The following CBLB variants were observed in gnomAD, a reference collection of about 807,000 sequenced individuals.
CBLB encodes Cbl proto-oncogene B.
CBLB carries 31 observed loss-of-function variants against 104.9 expected under a neutral mutation model. The observed-to-expected ratio is 0.30, with a 90% CI of 0.22 to 0.40. The LOEUF (loss-of-function observed/expected upper bound fraction) is 0.40, where lower values mean the gene tolerates loss of function less well. Ranked by LOEUF, CBLB falls within the 10% of genes least tolerant of loss-of-function variation. The pLI is 1.00. For missense variants in CBLB, 1,062 were observed against 1,214.6 expected (o/e 0.87, Z 1.87); for synonymous variants, 440 against 422.6 (o/e 1.04, Z -0.51).
intron 4 of CBLB, among the ~76,000 whole-genome samples, chr3:105,753,897 C>T (rs1392549008): frequency 6.6e-6 from 1 of 152,160 alleles, no homozygotes; most frequent in African/African-American, 2.4e-5. Context: ...TTCATAATAA[C>T]AATTTACAAA....
Position 105,655,851 on chromosome 3 carries a change from C to T in CBLB, c.*3119G>A, listed in dbSNP as rs905070091. 6 of 220,584 alleles carry T rather than the reference C, an allele frequency of 2.7e-5. No homozygotes were observed. The highest frequency in any genetic ancestry group is 5.4e-5 in the Non-Finnish European group (6 of 110,154). The allele number at this position is 220,584 out of a possible 1,614,324, so 13.7% of individuals were successfully genotyped here. A position where few individuals can be genotyped will look rare whatever the true frequency, so the allele number is the denominator to read the frequency against. On this transcript the variant is annotated 3_prime_UTR_variant, in exon 19 of 19. Transcript: ENST00000394030. ...AAAATCTGAGAGAAAAAATAACGTT[C>T]GAACTGTAGGAAATGCTTCTGGAAC...
chr3:105,786,213 T>C (rs1444821652), intron 3 of CBLB, among the ~76,000 whole-genome samples: 1 of 152,112 alleles, frequency 6.6e-6, no homozygotes, highest in Non-Finnish European at 1.5e-5. Flanking sequence ...AAATACAGGA[T>C]ATACACAAAA....
At chr3:105,703,894 CA>C in intron 11 of CBLB, 93 bp downstream of exon 11, 14 of 1,196,386 alleles carry the variant, frequency 1.2e-5, no homozygotes, top group Non-Finnish European at 1.6e-5. Flanking sequence ...CAATTAAAAG[CA>C]AAAAAATATG....
At chr3:105,731,227 T>G (rs2074277124) in intron 9 of CBLB, among the ~76,000 whole-genome samples, 1 of 152,212 alleles carries the variant, frequency 6.6e-6, no homozygotes, top group African/African-American at 2.4e-5. Flanking sequence ...TTCCTATGCC[T>G]TTTGCACATA....
intron 6 of CBLB, among the ~76,000 whole-genome samples, chr3:105,744,479 C>T (rs1017515693): frequency 2.0e-5 from 3 of 152,132 alleles, no homozygotes; most frequent in Admixed American, 6.6e-5. Context: ...ACTAACTCTC[C>T]TTAGTCTAAA....
chr3:105,815,241 C>A (rs1003602429), intron 3 of CBLB, among the ~76,000 whole-genome samples: 1 of 152,212 alleles, frequency 6.6e-6, no homozygotes, highest in Admixed American at 6.5e-5. Context: ...GCTTTGTACA[C>A]CTGTAGGTAC....
At chr3:105,818,447 G>A (rs939102341) in intron 3 of CBLB, among the ~76,000 whole-genome samples, 1 of 152,012 alleles carries the variant, frequency 6.6e-6, no homozygotes, top group African/African-American at 2.4e-5. Context: ...ATTCCCTACT[G>A]AAAGTACCAG....
At chr3:105,696,230 G>C (rs2068365152) in intron 12 of CBLB, among the ~76,000 whole-genome samples, 1 of 151,622 alleles carries the variant, frequency 6.6e-6, no homozygotes, top group South Asian at 2.1e-4. Context: ...AGTAGATTGA[G>C]ATAGCAAAGG....
intron 3 of CBLB, among the ~76,000 whole-genome samples, chr3:105,787,356 A>T (rs777790081): frequency 3.3e-5 from 5 of 152,192 alleles, no homozygotes; most frequent in African/African-American, 4.8e-5. Flanking sequence ...GTGCTGACAG[A>T]CCAGGTTTCT....
chr3:105,771,085 G>T (rs1316193318), intron 4 of CBLB, among the ~76,000 whole-genome samples: 1 of 152,064 alleles, frequency 6.6e-6, no homozygotes, highest in African/African-American at 2.4e-5. Flanking sequence ...ACCAGGAAAA[G>T]ACATAACAAC....
At position 105,704,122 on chromosome 3, in the gene CBLB, C is replaced by A. The variant is rs2152788223; in HGVS notation, c.1459G>T (p.Ala487Ser). The A allele has an allele frequency of 1.2e-6, 2 of 1,614,084 alleles. No homozygotes were observed. The highest frequency in any genetic ancestry group is 1.3e-5 in the African/African-American group (1 of 75,010). The change falls in exon 11 of 19, where the codon GCC (alanine) becomes TCC (serine). Residue 487 changes from alanine (A) to serine (S), a missense_variant. Transcript: ENST00000394030. The part of the protein sequence containing the change: ...PVTSPGSSPL[A>S]QRRKPQPDPL... ...TCAGGCTGTGGCTTTCTTCTCTGGGCAAGGGGAGAGGATCCTGGTGATGTG... is the reference window on the plus strand; with the variant it reads ...TCAGGCTGTGGCTTTCTTCTCTGGGAAAGGGGAGAGGATCCTGGTGATGTG...
At chr3:105,820,115 C>T (rs1364441486) in intron 3 of CBLB, among the ~76,000 whole-genome samples, 1 of 152,162 alleles carries the variant, frequency 6.6e-6, no homozygotes, top group Non-Finnish European at 1.5e-5. Context: ...GACACAGTGA[C>T]AGATCATCAG....
intron 12 of CBLB, among the ~76,000 whole-genome samples, chr3:105,695,406 T>C (rs2068241626): frequency 6.6e-6 from 1 of 151,910 alleles, no homozygotes; most frequent in Middle Eastern, 3.4e-3. Context: ...ATCTTGCACA[T>C]TAGGTAAATG....
At chr3:105,843,491 A>C (rs2089834958) in intron 3 of CBLB, among the ~76,000 whole-genome samples, 1 of 152,188 alleles carries the variant, frequency 6.6e-6, no homozygotes, top group Admixed American at 6.5e-5. Flanking sequence ...ATTGTTAAGA[A>C]ATAACCAGGG....
intron 3 of CBLB, among the ~76,000 whole-genome samples, chr3:105,825,240 T>C (rs2086415844): frequency 6.6e-6 from 1 of 152,158 alleles, no homozygotes; most frequent in Admixed American, 6.6e-5. Context: ...CTTCAGCTAA[T>C]GCCATATCAG....
chr3:105,809,869 G>GT (rs1038280129), intron 3 of CBLB, among the ~76,000 whole-genome samples: 4 of 152,110 alleles, frequency 2.6e-5, no homozygotes, highest in African/African-American at 9.7e-5. Context: ...CCATTATCAT[G>GT]TTTCTGAAGT....
intron 17 of CBLB, among the ~76,000 whole-genome samples, chr3:105,677,025 A>G (rs765180672): frequency 6.0e-4 from 92 of 152,120 alleles, no homozygotes; most frequent in Non-Finnish European, 2.2e-4. Flanking sequence ...TTCTTTACAA[A>G]TTACCTAGTC....
intron 3 of CBLB, among the ~76,000 whole-genome samples, chr3:105,790,076 T>C (rs150237577): frequency 1.1e-3 from 170 of 152,336 alleles, no homozygotes; most frequent in South Asian, 2.5e-3. Context: ...TTAATCTATA[T>C]GGTAAGCACC....
intron 3 of CBLB, among the ~76,000 whole-genome samples, chr3:105,832,452 T>C (rs2087706804): frequency 2.0e-5 from 3 of 152,216 alleles, no homozygotes; most frequent in Non-Finnish European, 4.4e-5. Flanking sequence ...ATTCTAATTA[T>C]GGATCAGCAG....
Sources: gnomAD v4.1 joint callset for allele counts (sites outside exome capture counted in the v4.1 genomes callset) on GRCh38, gnomAD v4.1.1 for gene constraint, MANE v1.5 for transcripts, NCBI Gene and HGNC (gene_info 2026-07-23, HGNC 2026-07-21) for gene names.